EPN2: variants seen among roughly 807,000 people sequenced by gnomAD.
EPN2 encodes the protein epsin-2.
A neutral mutation model predicts 61.7 loss-of-function variants in EPN2; 34 were observed. That is an observed-to-expected ratio of 0.55 (90% CI 0.42 to 0.73). The LOEUF (loss-of-function observed/expected upper bound fraction) is 0.73, where lower values mean the gene tolerates loss of function less well. Ranked by LOEUF, EPN2 falls within the 30% of genes least tolerant of loss-of-function variation. EPN2 has a pLI of 0.00. For synonymous variants in EPN2, 349 were observed against 353.6 expected (o/e 0.99, Z 0.15); for missense variants, 714 against 839.2 (o/e 0.85, Z 1.84).
chr17:19,289,979 C>T (rs142641419), intron 4 of EPN2, among the ~76,000 whole-genome samples: 3 of 152,144 alleles, frequency 2.0e-5, no homozygotes. Context: ...GCTCGGCCTC[C>T]CAAAGTGCTG....
chr17:19,318,408 G>A lies in EPN2; in HGVS notation c.1147+5129G>A, dbSNP rs555690105. Among the ~76,000 whole-genome samples the A allele has an allele frequency of 9.9e-5, 15 of 151,882 alleles. No individual in the cohort carries two copies. In the South Asian group the frequency reaches 3.1e-3, roughly 32 times the overall value. ...TACTGAAAATACAAAAACTAGCCAG[G>A]CGTAGTGGTGGGCACTTGTAATCCC... On this transcript the variant is annotated intron_variant, in intron 7 of 10. Transcript: ENST00000314728.
intron 7 of EPN2, among the ~76,000 whole-genome samples, chr17:19,317,481 C>T (rs777020115): frequency 1.2e-4 from 18 of 152,168 alleles, no homozygotes; most frequent in Non-Finnish European, 1.8e-4. Flanking sequence ...GACCTCTGCA[C>T]GGCTCAGTTC....
chr17:19,311,598 C>T (rs745833650), intron 5 of EPN2, among the ~76,000 whole-genome samples: 1 of 152,132 alleles, frequency 6.6e-6, no homozygotes, highest in Non-Finnish European at 1.5e-5. Flanking sequence ...TGTTAGGAAT[C>T]ATAGAAATAT....
At chr17:19,290,394 A>G (rs752374232) in intron 4 of EPN2, among the ~76,000 whole-genome samples, 277 of 152,322 alleles carry the variant, frequency 1.8e-3, no homozygotes, top group Admixed American at 3.1e-3. Context: ...GGGTAGACGG[A>G]ACCTACATCA....
At chr17:19,260,929 A>G (rs2045134447) in intron 1 of EPN2, among the ~76,000 whole-genome samples, 1 of 152,050 alleles carries the variant, frequency 6.6e-6, no homozygotes, top group Admixed American at 6.6e-5. Context: ...ATTTTTCCAT[A>G]TCAGTGCATG....
chr17:19,260,805 G>C (rs2045133158), intron 1 of EPN2, among the ~76,000 whole-genome samples: 1 of 151,956 alleles, frequency 6.6e-6, no homozygotes, highest in Admixed American at 6.6e-5. Context: ...TTTTCTTAAT[G>C]CAAGTACAGC....
chr17:19,237,725 G>A (rs1567838012), intron 1 of EPN2, among the ~76,000 whole-genome samples, 194 bp downstream of exon 1: 1 of 152,022 alleles, frequency 6.6e-6, no homozygotes, highest in Non-Finnish European at 1.5e-5. Flanking sequence ...ACCAGGCCCC[G>A]CCCCACGGAC....
chr17:19,301,129 G>A (rs1331976736), intron 4 of EPN2, among the ~76,000 whole-genome samples: 3 of 152,098 alleles, frequency 2.0e-5, no homozygotes, highest in Non-Finnish European at 4.4e-5. Flanking sequence ...AGCGAGCAGG[G>A]CCCAGTGTTA....
intron 7 of EPN2, chr17:19,313,809 G>A (rs1906258333): frequency 6.5e-6 from 1 of 152,676 alleles, no homozygotes; most frequent in Non-Finnish European, 1.5e-5. Context: ...AGATGTAAGA[G>A]GAATTGTGGT....
At chr17:19,307,840 G>A (rs538764076) in intron 4 of EPN2, 1 of 870,224 alleles carries the variant, frequency 1.1e-6, no homozygotes, top group East Asian at 1.2e-4. Flanking sequence ...GGCCTGAATT[G>A]CATTTAGGCC....
chr17:19,257,161 A>G lies in EPN2; in HGVS notation c.-294+19630A>G, dbSNP rs570009437. Among the ~76,000 whole-genome samples, 11 of 152,082 alleles carry G rather than the reference A, an allele frequency of 7.2e-5. No individual in the cohort carries two copies. In the South Asian group the frequency reaches 1.9e-3, roughly 26 times the overall value. ...ACCCTAATTTCTCCCTTCCCCCTCCAAAAAACCCCCTAGATTTTCATTTAG... is the reference window on the plus strand; with the variant it reads ...ACCCTAATTTCTCCCTTCCCCCTCCGAAAAACCCCCTAGATTTTCATTTAG... On this transcript the variant is annotated intron_variant, in intron 1 of 10. Coordinates refer to ENST00000314728, the MANE Select transcript of EPN2 (RefSeq NM_014964.5).
chr17:19,283,131 G>A lies in EPN2; in HGVS notation c.12G>A (p.Ser4=), dbSNP rs577901714. 5.6e-6 allele frequency: 9 copies of A among 1,605,876 alleles called. No individual in the cohort carries two copies. The highest frequency in any genetic ancestry group is 1.3e-5 in the African/African-American group (1 of 74,252). The change falls in exon 3 of 11, where the codon TCG becomes TCA. Residue 4 remains serine, a synonymous_variant. Transcript: ENST00000314728. The surrounding 1 kb of genome is among the most constrained non-coding windows in gnomAD (Gnocchi z 7.0). MTT[S]SIRRQMKNIV... ...CAAAGAAAATAAAAATGACGACTTC[G>A]TCTATCAGACGGCAGATGAAAAACA...
chr17:19,318,676 A>G (rs867136132), intron 7 of EPN2, among the ~76,000 whole-genome samples: 77 of 152,116 alleles, frequency 5.1e-4, no homozygotes, highest in African/African-American at 1.7e-3. Flanking sequence ...TTTTAATAGC[A>G]GATTCTAAAG....
chr17:19,329,499 C>T, intron 8 of EPN2, 62 bp from the exon 9 acceptor site: 1 of 992,102 alleles, frequency 1.0e-6, no homozygotes, highest in South Asian at 1.3e-5. Flanking sequence ...GTGCACTGGG[C>T]AGTGGAGTTG....
At chr17:19,265,378 G>GAAAA (rs571952205) in intron 1 of EPN2, among the ~76,000 whole-genome samples, 25 of 137,914 alleles carry the variant, frequency 1.8e-4, no homozygotes, top group East Asian at 1.0e-3. Context: ...CCTTTCTCAG[G>GAAAA]AAAAAAAAAA....
At chr17:19,275,350 A>G (rs2045295644) in intron 1 of EPN2, among the ~76,000 whole-genome samples, 1 of 152,258 alleles carries the variant, frequency 6.6e-6, no homozygotes, top group African/African-American at 2.4e-5. Flanking sequence ...AGGTTACAGC[A>G]TGAGAATTTC....
intron 4 of EPN2, among the ~76,000 whole-genome samples, chr17:19,300,493 A>G (rs978696547): frequency 7.3e-6 from 1 of 137,916 alleles, no homozygotes; most frequent in Non-Finnish European, 1.5e-5. Flanking sequence ...CAGTGGTGCA[A>G]TCTCGGCTCA....
intron 7 of EPN2, among the ~76,000 whole-genome samples, chr17:19,315,288 A>G (rs543432491): frequency 1.2e-4 from 18 of 152,256 alleles, no homozygotes; most frequent in Non-Finnish European, 1.8e-4. Context: ...CTAGGAACAT[A>G]GCGTAATAGC....
chr17:19,285,865 A>G lies in EPN2; in HGVS notation c.766+75A>G. 6.9e-7 allele frequency: 1 copy of G among 1,450,074 alleles called. No individual in the cohort carries two copies. The highest frequency in any genetic ancestry group is 1.4e-5 in the African/African-American group (1 of 70,218). The allele number at this position is 1,450,074 out of a possible 1,614,324, so 89.8% of individuals were successfully genotyped here. On this transcript the variant is annotated intron_variant, in intron 4 of 10. Coordinates refer to ENST00000314728, the MANE Select transcript of EPN2 (RefSeq NM_014964.5). This position sits in a 1 kb window ranked among gnomAD's most constrained non-coding sequence, Gnocchi z 4.5. ...CTGGGGGTGTGCTTGCCATGCCAGT[A>G]CAGCCAACTCTCTCCCTGTCTCCTC... is the stretch of plus-strand genomic sequence containing the variant.
Sources: gnomAD v4.1 joint callset for allele counts (sites outside exome capture counted in the v4.1 genomes callset) on GRCh38, gnomAD v4.1.1 for gene constraint, Gnocchi (gnomAD v3.1) non-coding constraint, MANE v1.5 for transcripts, NCBI Gene and HGNC (gene_info 2026-07-23, HGNC 2026-07-21) for gene names.